LAMC3: variants seen among roughly 807,000 people sequenced by gnomAD.
LAMC3 encodes the protein laminin subunit gamma 3, also known as laminin subunit gamma-3.
In LAMC3, 128 loss-of-function variants were observed where a neutral mutation model predicts 173.8. That is an observed-to-expected ratio of 0.74 (90% CI 0.64 to 0.85). The LOEUF (loss-of-function observed/expected upper bound fraction) is 0.85. LAMC3 is among the 40% of genes least tolerant of loss of function. The pLI is 0.00. For synonymous variants in LAMC3, 897 were observed against 909.1 expected, an observed-to-expected ratio of 0.99 and a Z score of 0.24; for missense variants, 2,022 against 2,156.0, an observed-to-expected ratio of 0.94 and a Z score of 1.23.
intron 13 of LAMC3, among the ~76,000 whole-genome samples, chr9:131,062,223 T>G (rs1486850788): frequency 6.6e-6 from 1 of 151,410 alleles, no homozygotes; most frequent in Non-Finnish European, 1.5e-5. Context: ...TAGCCAGGCG[T>G]GGTGGCGGGC....
chr9:131,059,868 A>T (rs1829774424), intron 12 of LAMC3, among the ~76,000 whole-genome samples: 1 of 152,190 alleles, frequency 6.6e-6, no homozygotes, highest in Non-Finnish European at 1.5e-5. Flanking sequence ...TTCCCCCTGG[A>T]TGCCAGCCCT....
intron 11 of LAMC3, among the ~76,000 whole-genome samples, chr9:131,056,301 C>T (rs945836383): frequency 2.0e-5 from 3 of 152,140 alleles, no homozygotes; most frequent in Admixed American, 6.5e-5. Context: ...GGTGAGTTTC[C>T]TACACGCCAT....
chr9:131,045,611 G>A lies in LAMC3; in HGVS notation c.1470G>A (p.Ala490=), dbSNP rs199785840. ...CFCYGHSKVC[A]STAQFQVHHI... ...GCTATGGCCACTCCAAGGTGTGCGC[G>A]TCCACTGCCCAGTTCCAGGTGCATC... The change falls in exon 8 of 28, where the codon GCG becomes GCA. Residue 490 remains alanine, a synonymous_variant. Transcript: ENST00000361069. 2.5e-5 allele frequency: 41 copies of A among 1,614,136 alleles called. No homozygotes were observed. Among genetic ancestry groups the A allele is most frequent in the East Asian group, 2.0e-4 (9 of 44,870 alleles).
chr9:131,082,920 G>A (rs1830265865), intron 24 of LAMC3, among the ~76,000 whole-genome samples: 1 of 152,212 alleles, frequency 6.6e-6, no homozygotes, highest in Non-Finnish European at 1.5e-5. Flanking sequence ...CGCTAGCTGT[G>A]GACCCAGCCC....
At chr9:131,010,136 A>C (rs1833386071) in intron 1 of LAMC3, among the ~76,000 whole-genome samples, 1 of 141,030 alleles carries the variant, frequency 7.1e-6, no homozygotes. Flanking sequence ...CCTGGGCAAC[A>C]GAGCTAACTC....
chr9:131,023,436 C>T (rs968863180), intron 1 of LAMC3, among the ~76,000 whole-genome samples: 9 of 152,180 alleles, frequency 5.9e-5, no homozygotes, highest in African/African-American at 2.2e-4. Context: ...TCCTCACCAA[C>T]ATTTGTTATT....
chr9:131,022,485 A>G (rs1833644647), intron 1 of LAMC3, among the ~76,000 whole-genome samples: 1 of 152,220 alleles, frequency 6.6e-6, no homozygotes, highest in African/African-American at 2.4e-5. Context: ...CATTTAAACT[A>G]TACAATCCAG....
At chr9:131,046,936 G>A (rs1323652651) in intron 8 of LAMC3, among the ~76,000 whole-genome samples, 1 of 152,124 alleles carries the variant, frequency 6.6e-6, no homozygotes, top group African/African-American at 2.4e-5. Flanking sequence ...CAGAAAGCAG[G>A]ACCGAGAGAT....
At chr9:131,024,670 G>T (rs1276018965) in intron 1 of LAMC3, among the ~76,000 whole-genome samples, 1 of 152,164 alleles carries the variant, frequency 6.6e-6, no homozygotes, top group South Asian at 2.1e-4. Flanking sequence ...ATGCAGGAGG[G>T]ACTCCCTGCG....
At chr9:131,015,783 G>A (rs1238810779) in intron 1 of LAMC3, among the ~76,000 whole-genome samples, 1 of 152,190 alleles carries the variant, frequency 6.6e-6, no homozygotes, top group Non-Finnish European at 1.5e-5. Context: ...AGCCTCCCAA[G>A]TAGCTGAGAT....
intron 22 of LAMC3, among the ~76,000 whole-genome samples, chr9:131,077,980 T>A (rs1830165164): frequency 6.6e-6 from 1 of 152,096 alleles, no homozygotes; most frequent in African/African-American, 2.4e-5. Flanking sequence ...GCCAAGGACT[T>A]TCCCTTCCTG....
chr9:131,037,313 C>T lies in LAMC3; in HGVS notation c.976+981C>T, dbSNP rs539483258. Among the ~76,000 whole-genome samples, 563 of 152,310 alleles carry T rather than the reference C, an allele frequency of 3.7e-3. 5 individuals carry two copies. Among genetic ancestry groups the T allele is most frequent in the African/African-American group, 0.013 (522 of 41,558 alleles). On this transcript the variant is annotated intron_variant, in intron 4 of 27. Transcript: ENST00000361069. The stretch of plus-strand genomic sequence containing the variant: ...CTGGGAGCCAGGGTTTCAGGCTTGA[C>T]CCTTCATCCCCACCCTCACCCGCAG...
In LAMC3 at chr9:131,026,849, G is replaced by C. The variant is rs1833727523; in HGVS notation, c.678+260G>C. 6.6e-6 allele frequency among the ~76,000 whole-genome samples: 1 copy of C among 152,190 alleles called. No individual in the cohort carries two copies. Among genetic ancestry groups the C allele is most frequent in the Non-Finnish European group, 1.5e-5 (1 of 68,044 alleles). On this transcript the variant is annotated intron_variant, in intron 2 of 27. Coordinates refer to ENST00000361069, the MANE Select transcript of LAMC3 (RefSeq NM_006059.4). The surrounding 1 kb of genome is among the most constrained non-coding windows in gnomAD (Gnocchi z 4.8). ...AGCCTGCCAAGTAACTGAGATTACA[G>C]GTGCCCGCCACGACTCCTGGCTGAT...
In LAMC3 at chr9:131,052,561, G is replaced by C. The variant is rs749246721; in HGVS notation, c.1701G>C (p.Gly567=). The change falls in exon 10 of 28, where the codon GGG becomes GGC. Residue 567 remains glycine, a synonymous_variant. Transcript: ENST00000361069. ...TACTGACCTTCCGGGTGCCCCCCGG[G>C]GACTCCCCACTCCCTGTACAGCTGA... ...PLILTFRVPP[G]DSPLPVQLRL... 6.2e-7 allele frequency: 1 copy of C among 1,614,096 alleles called. No individual in the cohort carries two copies. Among genetic ancestry groups the C allele is most frequent in the Non-Finnish European group, 8.5e-7 (1 of 1,179,976 alleles).
chr9:131,068,036 A>G (rs776368652), intron 14 of LAMC3, 42 bp from the exon 15 acceptor site: 5 of 1,601,956 alleles, frequency 3.1e-6, no homozygotes, highest in Middle Eastern at 1.7e-4. Context: ...GGAACAGACA[A>G]TCTGCATTGT....
chr9:131,072,620 C>T lies in LAMC3; in HGVS notation c.3212-10C>T. ...CACTTTGTGACCCCTGGGCTGTGGG[C>T]TTCCCATAGGGGCTCGGGAAGCCTT... On this transcript the variant is annotated splice_polypyrimidine_tract_variant and intron_variant, in intron 18 of 27. Coordinates refer to ENST00000361069, the MANE Select transcript of LAMC3 (RefSeq NM_006059.4). 6.2e-7 allele frequency: 1 copy of T among 1,605,464 alleles called. No homozygotes were observed. The highest frequency in any genetic ancestry group is 8.5e-7 in the Non-Finnish European group (1 of 1,177,332).
At chr9:131,036,849 C>G (rs1181988219) in intron 4 of LAMC3, among the ~76,000 whole-genome samples, 1 of 152,232 alleles carries the variant, frequency 6.6e-6, no homozygotes, top group Non-Finnish European at 1.5e-5. Context: ...ACTGACTTCC[C>G]TTCTGGCTGG....
chr9:131,057,534 A>G (rs564125128), intron 12 of LAMC3, among the ~76,000 whole-genome samples: 17 of 152,208 alleles, frequency 1.1e-4, no homozygotes, highest in Non-Finnish European at 1.9e-4. Context: ...AGGCACCAGC[A>G]TGGCAGGTGA....
intron 1 of LAMC3, among the ~76,000 whole-genome samples, chr9:131,017,235 G>A (rs371037479): frequency 1.3e-5 from 2 of 152,196 alleles, no homozygotes; most frequent in East Asian, 1.9e-4. Context: ...GACACCTCTC[G>A]GGAGGGGAGC....
Sources: gnomAD v4.1 joint callset for allele counts (sites outside exome capture counted in the v4.1 genomes callset) on GRCh38, gnomAD v4.1.1 for gene constraint, Gnocchi (gnomAD v3.1) non-coding constraint, MANE v1.5 for transcripts, NCBI Gene and HGNC (gene_info 2026-07-23, HGNC 2026-07-21) for gene names.